Variants in KIRREL2 observed in about 807,000 individuals in gnomAD.
KIRREL2 encodes kin of IRRE-like protein 2.
KIRREL2 carries 56 observed loss-of-function variants against 73.4 expected under a neutral mutation model. The observed-to-expected ratio is 0.76, with a 90% CI of 0.62 to 0.95. The LOEUF (loss-of-function observed/expected upper bound fraction) is 0.95, where lower values mean the gene tolerates loss of function less well. Among genes scored for constraint, KIRREL2 ranks in the 40% least tolerant of loss-of-function variants. The pLI, the probability that KIRREL2 is intolerant of heterozygous loss-of-function variation, is 0.00. For synonymous variants in KIRREL2, 407 were observed against 404.0 expected, an observed-to-expected ratio of 1.01 and a Z score of -0.09; for missense variants, 896 against 935.0, an observed-to-expected ratio of 0.96 and a Z score of 0.54.
chr19:35,864,275 C>T (rs1387652458), intron 13 of KIRREL2, among the ~76,000 whole-genome samples: 1 of 152,128 alleles, frequency 6.6e-6, no homozygotes, highest in Non-Finnish European at 1.5e-5. Flanking sequence ...ACTGCACCCT[C>T]CACCTCCCAG....
Position 35,866,486 on chromosome 19 carries a change from C to T in KIRREL2, c.2121C>T (p.His707=), listed in dbSNP as rs1358117673. ...CTAGCCACCCGCGTCTCCAGACTCA[C>T]GTGTGACATCTTTCCAATGGAAGAG... ...PTPSHPRLQT[H]V The change falls in exon 15 of 15, where the codon CAC becomes CAT. Residue 707 remains histidine (H), a synonymous_variant. Transcript: ENST00000360202. The T allele has an allele frequency of 1.1e-5, 18 of 1,613,394 alleles. No homozygotes were observed. The highest frequency in any genetic ancestry group is 3.3e-5 in the South Asian group (3 of 91,066).
rs765337521 is a variant in KIRREL2 at position 35,866,150 on chromosome 19, C to T, written c.1792-7C>T. 5 of 1,593,846 alleles carry T rather than the reference C, an allele frequency of 3.1e-6. No homozygotes were observed. Among genetic ancestry groups the T allele is most frequent in the Admixed American group, 1.9e-5 (1 of 52,588 alleles). On this transcript the variant is annotated splice_polypyrimidine_tract_variant and splice_region_variant and intron_variant, in intron 14 of 14. Coordinates refer to ENST00000360202, the MANE Select transcript of KIRREL2 (RefSeq NM_199180.4). ...CAGACTTTACTGAGTCCCATTTGTC[C>T]CCTCAGGACCCAACCAACGGTTACT...
upstream of KIRREL2, among the ~76,000 whole-genome samples, chr19:35,856,173 G>C (rs916916281): frequency 3.9e-5 from 6 of 152,224 alleles, no homozygotes; most frequent in Non-Finnish European, 5.9e-5. The surrounding 1 kb of genome is among the most constrained non-coding windows in gnomAD (Gnocchi z 5.9). Flanking sequence ...GAACGCCCCA[G>C]CTGGGCTGCA....
Position 35,864,733 on chromosome 19 carries a change from G to T in KIRREL2, c.1791+20G>T. The T allele has an allele frequency of 6.3e-7, 1 of 1,585,688 alleles. No individual in the cohort carries two copies. The highest frequency in any genetic ancestry group is 8.7e-7 in the Non-Finnish European group (1 of 1,154,404). ...ACCAAGGTGAGTGTTGAGAGGGGTG[G>T]GGCTCCCTTCACTGTTGGGAGAGGC... On this transcript the variant is annotated intron_variant, in intron 14 of 14. Transcript: ENST00000360202.
At chr19:35,862,102 C>A in intron 11 of KIRREL2, 78 bp downstream of exon 11, 1 of 1,264,102 alleles carries the variant, frequency 7.9e-7, no homozygotes, top group Non-Finnish European at 1.1e-6. Context: ...CCGAGGGCTG[C>A]AAAACCTCAT....
intron 14 of KIRREL2, among the ~76,000 whole-genome samples, chr19:35,864,975 C>G (rs1973903216): frequency 6.6e-6 from 1 of 152,038 alleles, no homozygotes; most frequent in Non-Finnish European, 1.5e-5. Flanking sequence ...CAGGGCTCAC[C>G]CTGCCTGTGC....
At chr19:35,856,836 A>C, upstream of KIRREL2, 1 of 501,342 alleles carries the variant, frequency 2.0e-6, no homozygotes, top group Non-Finnish European at 3.6e-6. The surrounding 1 kb of genome is among the most constrained non-coding windows in gnomAD (Gnocchi z 5.9). Flanking sequence ...GGAGTTTCTC[A>C]ACGGGAAGAG....
In KIRREL2 at chr19:35,861,606, T is replaced by A. The variant is rs745759840; in HGVS notation, c.1255T>A (p.Cys419Ser). ...AFLRGPARLQ[C>S]LVFASPAPDA... ...CCTGAGGGGCCCTGCTCGCCTCCAG[T>A]GTCTGGTTTTCGCCTCTCCCGCCCC... The change falls in exon 10 of 15, where the codon TGT (cysteine) becomes AGT (serine). Residue 419 changes from cysteine (C) to serine (S), a missense_variant. Transcript: ENST00000360202. 3.0e-5 allele frequency: 49 copies of A among 1,613,524 alleles called. No individual in the cohort carries two copies. The highest frequency in any genetic ancestry group is 3.0e-4 in the Admixed American group (18 of 59,862).
In KIRREL2 at chr19:35,866,369, A is replaced by G; in HGVS notation, c.2004A>G (p.Arg668=). Residue 668 remains arginine, a synonymous_variant, in exon 15 of 15, where the codon CGA becomes CGG. Transcript: ENST00000360202. The part of the protein sequence containing the change: ...RAGYLTTPHP[R]AFTSYIKPTS... The stretch of plus-strand genomic sequence containing the variant: ...GCTATCTCACCACACCCCACCCTCG[A>G]GCTTTCACCAGCTACATCAAACCCA... 1 of 1,612,032 alleles carries G rather than the reference A, an allele frequency of 6.2e-7. No homozygotes were observed. Among genetic ancestry groups the G allele is most frequent in the Non-Finnish European group, 8.5e-7 (1 of 1,179,282 alleles).
rs1973902327 is a variant in KIRREL2, at chr19:35,864,953, G to A, written c.1791+240G>A. Among the ~76,000 whole-genome samples the A allele has an allele frequency of 2.0e-5, 3 of 151,932 alleles. No individual in the cohort carries two copies. The South Asian group carries it at 6.2e-4, about 32-fold the overall frequency. The stretch of plus-strand genomic sequence containing the variant: ...TCTGTCCCAGCCCTAGCCTCCATCT[G>A]GAGCCCCAGACCAGGGCTCACCCTG... On this transcript the variant is annotated intron_variant, in intron 14 of 14. Coordinates refer to ENST00000360202, the MANE Select transcript of KIRREL2 (RefSeq NM_199180.4).
chr19:35,856,686 G>T, upstream of KIRREL2: 1 of 326,782 alleles, frequency 3.1e-6, no homozygotes, highest in South Asian at 2.6e-5. The surrounding 1 kb of genome is among the most constrained non-coding windows in gnomAD (Gnocchi z 5.9). Context: ...CCCCGGCAGG[G>T]CGCAGGTGTC....
At position 35,856,914 on chromosome 19, in the gene KIRREL2, G is replaced by A; in HGVS notation, c.-206G>A. 1.5e-6 allele frequency: 1 copy of A among 668,242 alleles called. No individual in the cohort carries two copies. Among genetic ancestry groups the A allele is most frequent in the Admixed American group, 2.2e-5 (1 of 45,418 alleles). 41.4% of individuals were successfully genotyped at this position (668,242 alleles called of 1,614,324 possible). A position where few individuals can be genotyped will look rare whatever the true frequency, so the allele number is the denominator to read the frequency against. On this transcript the variant is annotated 5_prime_UTR_variant, in exon 1 of 15. Transcript: ENST00000360202. The surrounding 1 kb of genome is among the most constrained non-coding windows in gnomAD (Gnocchi z 5.9). The stretch of plus-strand genomic sequence containing the variant: ...TCGGGCCCTCTTGGGGTCTCCCAGA[G>A]ACCCAGGCCGCGGAACTGGCAGGCG...
intron 1 of KIRREL2, 33 bp downstream of exon 1, chr19:35,857,213 T>A: frequency 1.8e-6 from 1 of 551,222 alleles, no homozygotes; most frequent in Non-Finnish European, 2.7e-6. Flanking sequence ...GAATATGGGG[T>A]GGGGGTGGGG....
At chr19:35,851,638 G>A (rs1320783012), upstream of KIRREL2, 1 of 1,613,760 alleles carries the variant, frequency 6.2e-7, no homozygotes, top group African/African-American at 1.3e-5. Context: ...AGAAGCCCCG[G>A]GGAACGGAGG....
rs564143581 is a variant in KIRREL2, at chr19:35,862,086, C to T, written c.1510+62C>T. On this transcript the variant is annotated intron_variant, in intron 11 of 14. Coordinates refer to ENST00000360202, the MANE Select transcript of KIRREL2 (RefSeq NM_199180.4). ...TCTAAACCCCACAAACGCAGGGATC[C>T]CCCAGCCGAGGGCTGCAAAACCTCA... is the stretch of plus-strand genomic sequence containing the variant. 7.9e-5 allele frequency: 114 copies of T among 1,435,292 alleles called. No homozygotes were observed. In the East Asian group the frequency reaches 2.2e-3, roughly 28 times the overall value. 88.9% of individuals were successfully genotyped at this position (1,435,292 alleles called of 1,614,324 possible).
chr19:35,859,519 C>T lies in KIRREL2; in HGVS notation c.561C>T (p.Ser187=), dbSNP rs905267333. Residue 187 remains serine, a synonymous_variant, in exon 5 of 15, where the codon AGC becomes AGT. Coordinates refer to ENST00000360202, the MANE Select transcript of KIRREL2 (RefSeq NM_199180.4). The part of the protein sequence containing the change: ...LKEGTPGSVE[S]TLTLTPFSHD... ...AAGGGACCCCTGGGTCAGTGGAGAGCACCTTAACCCTGACCCCTTTCAGCC... is the reference window on the plus strand; with the variant it reads ...AAGGGACCCCTGGGTCAGTGGAGAGTACCTTAACCCTGACCCCTTTCAGCC... 7 of 1,613,990 alleles carry T rather than the reference C, an allele frequency of 4.3e-6. No individual in the cohort carries two copies. The African/African-American group carries it at 8.0e-5, about 18-fold the overall frequency.
At position 35,859,486 on chromosome 19, in the gene KIRREL2, G is replaced by A. The variant is rs776621498; in HGVS notation, c.528G>A (p.Leu176=). ...ATTCTTATCCTTCCCTCCAGACCCT[G>A]CTGAAGGAAGGGACCCCTGGGTCAG... The part of the protein sequence containing the change: ...LLDGATFHQT[L]LKEGTPGSVE... The change falls in exon 5 of 15, where the codon CTG becomes CTA. Residue 176 remains leucine (L), a synonymous_variant. Transcript: ENST00000360202. The A allele has an allele frequency of 1.2e-5, 19 of 1,613,928 alleles. No individual in the cohort carries two copies. The South Asian group carries it at 1.9e-4, about 16-fold the overall frequency.
chr19:35,863,024 C>T lies in KIRREL2; in HGVS notation c.1713C>T (p.Ser571=), dbSNP rs1164166404. The T allele has an allele frequency of 6.3e-7, 1 of 1,574,862 alleles. No homozygotes were observed. Among genetic ancestry groups the T allele is most frequent in the Non-Finnish European group, 8.6e-7 (1 of 1,157,344 alleles). ...GTCCTGAAGAAGAGGAGACAGGCAG[C>T]CGCGAGGACCGGGTAGGATGCCAGG... ...SRGPEEEETG[S]REDRGPIVHT... is the part of the protein sequence containing the mutation. Residue 571 remains serine (S), a synonymous_variant, in exon 13 of 15, where the codon AGC becomes AGT. Coordinates refer to ENST00000360202, the MANE Select transcript of KIRREL2 (RefSeq NM_199180.4).
chr19:35,856,435 G>T (rs1252944877), upstream of KIRREL2, among the ~76,000 whole-genome samples: 1 of 152,184 alleles, frequency 6.6e-6, no homozygotes, highest in South Asian at 2.1e-4. This position sits in a 1 kb window ranked among gnomAD's most constrained non-coding sequence, Gnocchi z 5.9. Context: ...GGGTTTTGAG[G>T]CTGGGGGAGT....
Sources: gnomAD v4.1 joint callset for allele counts (sites outside exome capture counted in the v4.1 genomes callset) on GRCh38, gnomAD v4.1.1 for gene constraint, Gnocchi (gnomAD v3.1) non-coding constraint, MANE v1.5 for transcripts, NCBI Gene and HGNC (gene_info 2026-07-23, HGNC 2026-07-21) for gene names.